The following PFKFB1 variants were observed in gnomAD, a reference collection of about 807,000 sequenced individuals.
The protein encoded by PFKFB1 is 6-phosphofructo-2-kinase/fructose-2,6-biphosphatase 1.
Under a neutral mutation model 46.4 loss-of-function variants are expected in PFKFB1, and 34 were observed. That is an observed-to-expected ratio of 0.73 (90% CI 0.56 to 0.98). The LOEUF (loss-of-function observed/expected upper bound fraction) is 0.98. Among genes scored for constraint, PFKFB1 ranks in the 50% least tolerant of loss-of-function variants. PFKFB1 has a pLI of 0.00. For synonymous variants in PFKFB1, 119 were observed against 133.8 expected, an observed-to-expected ratio of 0.89 and a Z score of 0.76; for missense variants, 393 against 376.3, an observed-to-expected ratio of 1.04 and a Z score of -0.37.
intron 1 of PFKFB1, among the ~76,000 whole-genome samples, chrX:54,964,055 G>C (rs961066564): frequency 9.1e-6 from 1 of 109,971 alleles, no homozygotes; most frequent in Admixed American, 9.7e-5. Context: ...TTCCCAAAGG[G>C]AAAAAAGTCT....
At chrX:54,996,937 A>C (rs376553182), upstream of PFKFB1, among the ~76,000 whole-genome samples, 130 of 111,084 alleles carry the variant, frequency 1.2e-3, no homozygotes, top group African/African-American at 4.3e-3. Flanking sequence ...TATATTGCCC[A>C]CATGCTCCTA....
chrX:54,959,599 G>A (rs771349911), intron 4 of PFKFB1, among the ~76,000 whole-genome samples: 1 of 111,917 alleles, frequency 8.9e-6, no homozygotes, highest in Non-Finnish European at 1.9e-5. Context: ...CCAGGTATAC[G>A]TTGTACCACC....
intron 7 of PFKFB1, among the ~76,000 whole-genome samples, chrX:54,953,916 G>A (rs980420439): frequency 1.3e-4 from 15 of 111,527 alleles, no homozygotes; most frequent in East Asian, 8.5e-4. Flanking sequence ...CTCTTTGCCC[G>A]ATTTCCAAAG....
chrX:54,946,258 A>T (rs1166191285), intron 9 of PFKFB1, among the ~76,000 whole-genome samples: 2 of 111,204 alleles, frequency 1.8e-5, no homozygotes, highest in Non-Finnish European at 3.8e-5. Flanking sequence ...ACAAATTCCT[A>T]ATGGTTTCAG....
chrX:54,957,965 T>A (rs1032419250), intron 6 of PFKFB1, among the ~76,000 whole-genome samples: 5 of 111,935 alleles, frequency 4.5e-5, no homozygotes, highest in African/African-American at 1.3e-4. Flanking sequence ...CATCCCTTTG[T>A]ATGAATTTTT....
chrX:54,968,524 A>G (rs1341716708), intron 1 of PFKFB1, among the ~76,000 whole-genome samples: 1 of 111,315 alleles, frequency 9.0e-6, no homozygotes. Context: ...TAGCTGAAAT[A>G]AAAACTTAGG....
At chrX:54,940,183 A>G (rs1253970287) in intron 10 of PFKFB1, among the ~76,000 whole-genome samples, 1 of 112,063 alleles carries the variant, frequency 8.9e-6, no homozygotes, top group Non-Finnish European at 1.9e-5. Context: ...CTTTGACAAA[A>G]TTCAGCAGCC....
chrX:54,980,063 G>C (rs776134425), intron 1 of PFKFB1, among the ~76,000 whole-genome samples: 1 of 110,996 alleles, frequency 9.0e-6, no homozygotes, highest in African/African-American at 3.3e-5. Context: ...TAAGTTGGAA[G>C]TGGATCCCTA....
Position 54,973,441 on chromosome X carries a change from C to A in PFKFB1, c.98-10059G>T, listed in dbSNP as rs768698759. On this transcript the variant is annotated intron_variant, in intron 1 of 13. Transcript: ENST00000375006. ...CTTTTAATTGTGATGTTAGGGTGTC[C>A]ATTTTGGATCTTTCCTGCTTTCTCT... 6.2e-3 allele frequency among the ~76,000 whole-genome samples: 685 copies of A among 110,532 alleles called. 5 individuals carry two copies. Among genetic ancestry groups the A allele is most frequent in the Non-Finnish European group, 0.011 (560 of 52,654 alleles).
At chrX:54,948,109 G>C (rs1206820574) in intron 9 of PFKFB1, among the ~76,000 whole-genome samples, 2 of 110,485 alleles carry the variant, frequency 1.8e-5, no homozygotes, top group Non-Finnish European at 3.8e-5. Context: ...TGTTTGTAGA[G>C]ATGGGGTTTT....
intron 8 of PFKFB1, among the ~76,000 whole-genome samples, chrX:54,950,615 G>A (rs1453532004): frequency 8.9e-6 from 1 of 112,535 alleles, no homozygotes; most frequent in African/African-American, 3.2e-5. Context: ...GCTGGGCTCC[G>A]AGCTGTGTGG....
intron 2 of PFKFB1, among the ~76,000 whole-genome samples, chrX:54,962,181 G>A (rs969272315): frequency 2.7e-5 from 3 of 111,383 alleles, no homozygotes; most frequent in South Asian, 3.8e-4. Context: ...GCAGAAACCC[G>A]TCTGCCAGTG....
chrX:54,970,001 G>A (rs1008160260), intron 1 of PFKFB1, among the ~76,000 whole-genome samples: 6 of 111,551 alleles, frequency 5.4e-5, no homozygotes, highest in Non-Finnish European at 7.5e-5. Flanking sequence ...CTCTGCTTCC[G>A]AGGTTCAAGG....
intron 11 of PFKFB1, among the ~76,000 whole-genome samples, chrX:54,935,330 G>A (rs982357756): frequency 8.1e-5 from 9 of 111,419 alleles, no homozygotes; most frequent in African/African-American, 2.9e-4. Context: ...CTTCTCTCCC[G>A]CCCCAAGCCT....
At chrX:54,996,488 A>T (rs1246225612), upstream of PFKFB1, among the ~76,000 whole-genome samples, 2 of 112,416 alleles carry the variant, frequency 1.8e-5, no homozygotes, top group Non-Finnish European at 3.8e-5. Context: ...AGGAAATCTG[A>T]GATAAGAAGC....
upstream of PFKFB1, among the ~76,000 whole-genome samples, chrX:54,996,671 A>C (rs748269799): frequency 4.2e-4 from 47 of 112,019 alleles, no homozygotes; most frequent in African/African-American, 1.1e-3. Context: ...GGCACTCAAG[A>C]CTTTTCAATC....
At chrX:54,947,181 G>A (rs1367027391) in intron 9 of PFKFB1, among the ~76,000 whole-genome samples, 1 of 111,813 alleles carries the variant, frequency 8.9e-6, no homozygotes, top group Non-Finnish European at 1.9e-5. Flanking sequence ...TCAAACCTGA[G>A]GCTTCAGCTA....
chrX:54,933,312 G>T lies in PFKFB1; in HGVS notation c.*91C>A. On this transcript the variant is annotated 3_prime_UTR_variant, in exon 14 of 14. Coordinates refer to ENST00000375006, the MANE Select transcript of PFKFB1 (RefSeq NM_002625.4). ...CACTGGAAGTGGGGTGCCTCAGTGAGGCCAAGGCAGAGTAGGAGAAGAGCA... is the reference window on the plus strand; with the variant it reads ...CACTGGAAGTGGGGTGCCTCAGTGATGCCAAGGCAGAGTAGGAGAAGAGCA... The T allele has an allele frequency of 1.3e-6, 1 of 795,203 alleles. No individual in the cohort carries two copies. The highest frequency in any genetic ancestry group is 1.9e-6 in the Non-Finnish European group (1 of 524,252). The allele number at this position is 795,203 out of a possible 1,213,427, so 65.5% of individuals were successfully genotyped here.
chrX:54,942,639 G>A (rs1441808334), intron 10 of PFKFB1, among the ~76,000 whole-genome samples: 2 of 111,194 alleles, frequency 1.8e-5, no homozygotes, highest in Non-Finnish European at 3.8e-5. Flanking sequence ...AACACACAAG[G>A]AAATAAGCTA....
Sources: allele counts gnomAD v4.1 joint callset (sites outside exome capture counted in the v4.1 genomes callset), GRCh38; gene constraint gnomAD v4.1.1; transcripts MANE v1.5; gene names NCBI Gene and HGNC (gene_info 2026-07-23, HGNC 2026-07-21).